Variants in GSTCD observed in about 807,000 individuals in gnomAD.
The protein encoded by GSTCD is glutathione S-transferase C-terminal domain-containing protein.
GSTCD carries 44 observed loss-of-function variants against 68.3 expected under a neutral mutation model. The observed-to-expected ratio is 0.64, with a 90% confidence interval of 0.51 to 0.83. The LOEUF is 0.83. Among genes scored for constraint, GSTCD ranks in the 40% least tolerant of loss-of-function variants. GSTCD has a pLI of 0.00. For missense variants in GSTCD, 739 were observed against 735.9 expected, an observed-to-expected ratio of 1.00 and a Z score of -0.05; for synonymous variants, 273 against 255.2, an observed-to-expected ratio of 1.07 and a Z score of -0.67.
intron 1 of GSTCD, 107 bp downstream of exon 1, chr4:105,709,123 A>G (rs1732423684): frequency 6.6e-6 from 1 of 152,316 alleles, no homozygotes; most frequent in African/African-American, 2.4e-5. Flanking sequence ...AAGGGTGGGA[A>G]GGACAAGGGC....
chr4:105,767,000 CAGAGTTTAACTGAGCAA>C (rs1223292820), intron 5 of GSTCD, among the ~76,000 whole-genome samples: 7 of 143,784 alleles, frequency 4.9e-5, no homozygotes, highest in African/African-American at 1.8e-4. Flanking sequence ...ATTGAATTGC[CAGAGTTTAACTGAGCAA>C]AGAATGATTC....
At chr4:105,758,541 G>A (rs1734282498) in intron 5 of GSTCD, among the ~76,000 whole-genome samples, 1 of 152,296 alleles carries the variant, frequency 6.6e-6, no homozygotes, top group South Asian at 2.1e-4. Flanking sequence ...TGCCATAAAT[G>A]GAAGCTTCCT....
intron 5 of GSTCD, among the ~76,000 whole-genome samples, chr4:105,770,902 G>A (rs1734819454): frequency 6.6e-6 from 1 of 152,134 alleles, no homozygotes; most frequent in Admixed American, 6.5e-5. Flanking sequence ...TGGGATTGCT[G>A]GGTCAAATGG....
intron 5 of GSTCD, among the ~76,000 whole-genome samples, chr4:105,767,995 C>T (rs185360766): frequency 2.2e-3 from 327 of 151,222 alleles, no homozygotes; most frequent in Non-Finnish European, 3.5e-3. Context: ...ACATTTTGTT[C>T]CACAAATAAA....
At chr4:105,740,765 T>C (rs1304917545) in intron 5 of GSTCD, among the ~76,000 whole-genome samples, 1 of 152,128 alleles carries the variant, frequency 6.6e-6, no homozygotes, top group Non-Finnish European at 1.5e-5. Flanking sequence ...TTGTTCCAAC[T>C]CTCCAACATG....
At chr4:105,770,167 C>A (rs191193591) in intron 5 of GSTCD, among the ~76,000 whole-genome samples, 1 of 152,146 alleles carries the variant, frequency 6.6e-6, no homozygotes, top group Admixed American at 6.5e-5. Context: ...AACCACATAG[C>A]GGCAAACTGA....
chr4:105,810,247 T>G (rs1210252460), intron 5 of GSTCD, among the ~76,000 whole-genome samples: 3 of 152,144 alleles, frequency 2.0e-5, no homozygotes, highest in Admixed American at 2.0e-4. Context: ...GTATTTTTTT[T>G]CTTCTATTTA....
At chr4:105,743,379 T>C (rs1414090820) in intron 5 of GSTCD, among the ~76,000 whole-genome samples, 1 of 152,138 alleles carries the variant, frequency 6.6e-6, no homozygotes, top group African/African-American at 2.4e-5. Context: ...AGCTAGATAC[T>C]CAATTATTTT....
chr4:105,761,139 G>C, intron 5 of GSTCD: 1 of 189,292 alleles, frequency 5.3e-6, no homozygotes, highest in Non-Finnish European at 1.1e-5. Context: ...AAGTAGCTGG[G>C]ATTATAGGAG....
intron 3 of GSTCD, among the ~76,000 whole-genome samples, chr4:105,722,416 A>T: frequency 6.6e-6 from 1 of 151,972 alleles, no homozygotes. Flanking sequence ...TTAACTCACT[A>T]GTTCTAATTT....
At chr4:105,831,251 G>T (rs1002062060) in intron 8 of GSTCD, among the ~76,000 whole-genome samples, 1 of 152,156 alleles carries the variant, frequency 6.6e-6, no homozygotes, top group South Asian at 2.1e-4. Context: ...TCTTCGAAAA[G>T]CAACACCGGA....
At chr4:105,825,075 G>GT (rs1206365513) in intron 7 of GSTCD, among the ~76,000 whole-genome samples, 1 of 151,560 alleles carries the variant, frequency 6.6e-6, no homozygotes, top group African/African-American at 2.4e-5. Context: ...TTTGTTTTTG[G>GT]TTTTTTTGTT....
At chr4:105,716,041 C>T (rs1732670150) in intron 1 of GSTCD, among the ~76,000 whole-genome samples, 1 of 152,080 alleles carries the variant, frequency 6.6e-6, no homozygotes, top group South Asian at 2.1e-4. Context: ...TGTGTTTGCA[C>T]CTTTAACCAG....
chr4:105,768,453 G>A (rs1578455484), intron 5 of GSTCD, among the ~76,000 whole-genome samples: 1 of 152,198 alleles, frequency 6.6e-6, no homozygotes, highest in Admixed American at 6.5e-5. Flanking sequence ...TTTAGAATTT[G>A]AAAGGACCTT....
rs564189375 is a variant in GSTCD at position 105,791,407 on chromosome 4, A to C, written c.1241-31547A>C. Among the ~76,000 whole-genome samples, 872 of 151,754 alleles carry C rather than the reference A, an allele frequency of 5.7e-3. 15 individuals carry two copies. The highest frequency in any genetic ancestry group is 0.02 in the African/African-American group (831 of 41,292). The stretch of plus-strand genomic sequence containing the variant: ...GACTCCGTCTCAAAAAAAAAAAAAA[A>C]AAGAAAAAAGGAACAAGGAATGATA... On this transcript the variant is annotated intron_variant, in intron 5 of 11. Transcript: ENST00000515279.
chr4:105,809,878 TAA>T (rs1443429674), intron 5 of GSTCD, among the ~76,000 whole-genome samples: 1 of 152,068 alleles, frequency 6.6e-6, no homozygotes, highest in Non-Finnish European at 1.5e-5. Context: ...CTAGGTTGTA[TAA>T]ATTAATGGGT....
intron 5 of GSTCD, among the ~76,000 whole-genome samples, chr4:105,777,135 A>G (rs1276296159): frequency 1.3e-5 from 2 of 152,160 alleles, no homozygotes; most frequent in Non-Finnish European, 2.9e-5. Flanking sequence ...TGACCAAATA[A>G]ATTCTACTTA....
chr4:105,736,866 A>T (rs1255352840), intron 5 of GSTCD, among the ~76,000 whole-genome samples: 1 of 152,142 alleles, frequency 6.6e-6, no homozygotes, highest in Non-Finnish European at 1.5e-5. Flanking sequence ...ATTTTATTTA[A>T]CATAATTTCC....
intron 5 of GSTCD, among the ~76,000 whole-genome samples, chr4:105,778,563 T>C (rs1735159227): frequency 1.3e-5 from 2 of 152,100 alleles, no homozygotes; most frequent in South Asian, 4.1e-4. Context: ...ATCATGCCAT[T>C]TTTTTCCCCA....
Sources: gnomAD v4.1 joint callset for allele counts (sites outside exome capture counted in the v4.1 genomes callset) on GRCh38, gnomAD v4.1.1 for gene constraint, MANE v1.5 for transcripts, NCBI Gene and HGNC (gene_info 2026-07-23, HGNC 2026-07-21) for gene names.